RASA3: variants seen among roughly 807,000 people sequenced by gnomAD.
RASA3 encodes the protein ras GTPase-activating protein 3.
In RASA3, 73 loss-of-function variants were observed where a neutral mutation model predicts 110.0. The ratio of observed to expected loss-of-function variants is 0.66; its 90% CI spans 0.55 to 0.81. The LOEUF is 0.81. Among genes scored for constraint, RASA3 ranks in the 30% least tolerant of loss-of-function variants. RASA3 has a pLI of 0.00. For missense variants in RASA3, 976 were observed against 1,113.2 expected (o/e 0.88, Z 1.75); for synonymous variants, 500 against 451.4 (o/e 1.11, Z -1.37).
intron 3 of RASA3, among the ~76,000 whole-genome samples, chr13:114,043,482 C>A (rs1435841486): frequency 2.6e-4 from 40 of 152,266 alleles, no homozygotes; most frequent in Non-Finnish European, 1.9e-4. Flanking sequence ...ACAGCCAGGG[C>A]CGGCCAGTTC....
intron 4 of RASA3, among the ~76,000 whole-genome samples, chr13:114,030,538 G>GGCAAGACTCACGCAGAGA: frequency 8.2e-6 from 1 of 121,822 alleles, no homozygotes; most frequent in East Asian, 2.1e-4. Flanking sequence ...TCACACAGAG[G>GGCAAGACTCACGCAGAGA]GCAAGACTCA....
intron 1 of RASA3, 35 bp from the exon 2 acceptor site, chr13:114,073,872 G>A (rs372368607): frequency 4.7e-5 from 72 of 1,537,018 alleles, no homozygotes; most frequent in East Asian, 3.8e-4. Context: ...CATCAGCAGC[G>A]TAGAAATGTT....
intron 3 of RASA3, among the ~76,000 whole-genome samples, chr13:114,043,767 C>T (rs1421089745): frequency 1.3e-5 from 2 of 151,986 alleles, no homozygotes; most frequent in Non-Finnish European, 2.9e-5. Context: ...CTCCAATGGC[C>T]TCTAATGGCG....
In RASA3 at chr13:114,052,077, G is replaced by A. The variant is rs778935523; in HGVS notation, c.252C>T (p.Asp84=). ...RHLSFYIFDR[D]VFRRDSIIGK... Reference sequence around the variant, plus strand: ...CTATGATGGAATCCCTCCGGAAAACGTCTCTATCGAAAATGTAGAAGGACA... The same window carrying A: ...CTATGATGGAATCCCTCCGGAAAACATCTCTATCGAAAATGTAGAAGGACA... The change falls in exon 3 of 24, where the codon GAC becomes GAT. Residue 84 remains aspartate (D), a synonymous_variant. Transcript: ENST00000334062. The A allele has an allele frequency of 3.3e-5, 53 of 1,611,336 alleles. No individual in the cohort carries two copies. Among genetic ancestry groups the A allele is most frequent in the African/African-American group, 8.0e-5 (6 of 74,992 alleles).
chr13:114,029,814 G>T lies in RASA3; in HGVS notation c.446C>A (p.Thr149Lys), dbSNP rs764962620. 6.3e-7 allele frequency: 1 copy of T among 1,592,266 alleles called. No homozygotes were observed. Among genetic ancestry groups the T allele is most frequent in the Non-Finnish European group, 8.5e-7 (1 of 1,169,806 alleles). The change falls in exon 5 of 24, where the codon ACA becomes AAA. Residue 149 changes from threonine to lysine, a missense_variant. Physicochemically the swap from Thr to Lys is moderately conservative, Grantham distance 78. This residue lies in a region of RASA3 where 732 missense variants were observed against 779.7 expected (regional missense o/e 0.94). Transcript: ENST00000334062. ...CTCTAGTGAGGACGTGTCTTACCGT[G>T]TGGCGAGCTTGTGGCAGACGACCCC... ...DTGVVCHKLA[T>K]RIVECQGLPI...
intron 21 of RASA3, among the ~76,000 whole-genome samples, chr13:113,996,234 C>T (rs1262884616): frequency 3.9e-5 from 6 of 152,134 alleles, no homozygotes; most frequent in East Asian, 1.9e-4. Flanking sequence ...AGGATGGCCA[C>T]GGCCTGGGGA....
chr13:114,105,628 G>A (rs932802655), intron 1 of RASA3, among the ~76,000 whole-genome samples: 4 of 152,286 alleles, frequency 2.6e-5, no homozygotes, highest in Non-Finnish European at 4.4e-5. Context: ...CGCTCCCTCC[G>A]CCTCGCTTCA....
At position 113,979,380 on chromosome 13, in the gene RASA3, C is replaced by G. The variant is rs1247541322; in HGVS notation, c.2472G>C (p.Arg824=). ...AATGAGTGGAGGTCTCGGACTGCTG[C>G]CGGATGTAGTTCTGGAAGCTCTTGT... The part of the protein sequence containing the change: ...IGDKSFQNYI[R]QQSETSTHSI The change falls in exon 24 of 24, where the codon CGG becomes CGC. Residue 824 remains arginine (R), a synonymous_variant. Transcript: ENST00000334062. The G allele has an allele frequency of 6.2e-7, 1 of 1,608,086 alleles. No individual in the cohort carries two copies. Among genetic ancestry groups the G allele is most frequent in the East Asian group, 2.2e-5 (1 of 44,844 alleles).
At chr13:114,119,853 G>A (rs113444771) in intron 1 of RASA3, among the ~76,000 whole-genome samples, 21 of 66,478 alleles carry the variant, frequency 3.2e-4, no homozygotes, top group Middle Eastern at 9.1e-3. Flanking sequence ...CTCCAGCCAG[G>A]CGTCGATCAG....
In RASA3 at chr13:114,017,350, C is replaced by G. The variant is rs775203793; in HGVS notation, c.1093G>C (p.Asp365His). The G allele has an allele frequency of 6.2e-7, 1 of 1,613,024 alleles. No homozygotes were observed. The highest frequency in any genetic ancestry group is 1.1e-5 in the South Asian group (1 of 91,068). Residue 365 changes from aspartate (D) to histidine (H), a missense_variant and splice_region_variant, in exon 12 of 24, where the codon GAC (aspartate) becomes CAC (histidine). Asp to His is a moderately conservative substitution (Grantham distance 81). Coordinates refer to ENST00000334062, the MANE Select transcript of RASA3 (RefSeq NM_007368.4). ...TTTCCTCGGAAGATGGTGTTGGGGTCCCTGGGAAATGGCGATGGGGACAGC... is the reference window on the plus strand; with the variant it reads ...TTTCCTCGGAAGATGGTGTTGGGGTGCCTGGGAAATGGCGATGGGGACAGC... Reference protein sequence around the residue: ...IASAEVKRTQDPNTIFRGNSL... With the variant: ...IASAEVKRTQHPNTIFRGNSL...
chr13:113,999,572 G>T lies in RASA3; in HGVS notation c.1932+13C>A. ...CTCAACCCGAAAGAGAGGCTTGGGG[G>T]CCCCACACTCACGTTTTTCATTTTG... On this transcript the variant is annotated intron_variant, in intron 20 of 23. Transcript: ENST00000334062. 9 of 1,612,486 alleles carry T rather than the reference G, an allele frequency of 5.6e-6. No homozygotes were observed. The highest frequency in any genetic ancestry group is 7.6e-6 in the Non-Finnish European group (9 of 1,179,058).
At chr13:114,123,410 G>A (rs2080405042) in intron 1 of RASA3, among the ~76,000 whole-genome samples, 1 of 152,216 alleles carries the variant, frequency 6.6e-6, no homozygotes, top group Non-Finnish European at 1.5e-5. Context: ...GTGCACGCAA[G>A]GGCCCTCAGG....
At chr13:114,016,307 G>C in intron 12 of RASA3, 36 bp from the exon 13 acceptor site, 1 of 1,473,244 alleles carries the variant, frequency 6.8e-7, no homozygotes. Context: ...CTGTGAGTGG[G>C]TTCTGGGGGC....
At position 114,017,224 on chromosome 13, in the gene RASA3, G is replaced by GC. The variant is rs753941845; in HGVS notation, c.1206+12dup. On this transcript the variant is annotated intron_variant, in intron 12 of 23. Transcript: ENST00000334062. ...CGCCTCGTGAGGCTGAGGACTCTCG[G>GC]CCCCGTGCTCACCTCCTCGATGGCG... is the stretch of plus-strand genomic sequence containing the variant. 1 of 1,606,556 alleles carries GC rather than the reference G, an allele frequency of 6.2e-7. No individual in the cohort carries two copies. The highest frequency in any genetic ancestry group is 1.1e-5 in the South Asian group (1 of 90,962).
At chr13:114,031,328 T>C (rs755070269) in intron 4 of RASA3, among the ~76,000 whole-genome samples, 3 of 151,960 alleles carry the variant, frequency 2.0e-5, no homozygotes, top group African/African-American at 7.3e-5. Context: ...TCTGCCTGTC[T>C]GTGTGTTTGG....
chr13:114,025,341 CACT>C (rs1280257560), intron 7 of RASA3, among the ~76,000 whole-genome samples: 1 of 152,256 alleles, frequency 6.6e-6, no homozygotes, highest in Non-Finnish European at 1.5e-5. Flanking sequence ...ACCTACACAC[CACT>C]GTCCAAAAAT....
At chr13:113,990,841 CATGT>C (rs566241179) in intron 22 of RASA3, among the ~76,000 whole-genome samples, 13 of 152,232 alleles carry the variant, frequency 8.5e-5, no homozygotes, top group Admixed American at 2.0e-4. Flanking sequence ...TCATTTCACA[CATGT>C]ATTGCTGGGA....
chr13:114,013,592 C>CCA (rs138835612), intron 14 of RASA3, among the ~76,000 whole-genome samples: 72,766 of 109,412 alleles, frequency 0.67, 25,419 homozygotes, highest in African/African-American at 0.85. Context: ...CTCTCTCTCT[C>CCA]TCCGTCTCTG....
chr13:114,040,137 G>A (rs2054367138), intron 4 of RASA3, among the ~76,000 whole-genome samples: 2 of 152,262 alleles, frequency 1.3e-5, no homozygotes, highest in South Asian at 2.1e-4. Flanking sequence ...GCATGACAAA[G>A]GGCGGCAGTA....
Sources: allele counts gnomAD v4.1 joint callset (sites outside exome capture counted in the v4.1 genomes callset), GRCh38; gene constraint gnomAD v4.1.1; regional missense constraint gnomAD v4.1.1; transcripts MANE v1.5; gene names NCBI Gene and HGNC (gene_info 2026-07-23, HGNC 2026-07-21).